Variants in VRK3 observed in about 807,000 individuals in gnomAD.
VRK3 encodes the protein serine/threonine-protein kinase VRK3.
Under a neutral mutation model 60.4 loss-of-function variants are expected in VRK3, and 50 were observed. The observed-to-expected ratio is 0.83, with a 90% CI of 0.66 to 1.05. The LOEUF (loss-of-function observed/expected upper bound fraction) is 1.05. Among genes scored for constraint, VRK3 ranks in the 50% least tolerant of loss-of-function variants. The probability of loss-of-function intolerance (pLI) is 0.00; values close to 1 mark genes in which losing one functional copy is unlikely to be tolerated. For missense variants in VRK3, 549 were observed against 585.3 expected, an observed-to-expected ratio of 0.94 and a Z score of 0.64; for synonymous variants, 246 against 227.8, an observed-to-expected ratio of 1.08 and a Z score of -0.72.
At chr19:50,000,717 G>A (rs2076789264) in intron 6 of VRK3, 73 bp downstream of exon 6, 11 of 1,519,602 alleles carry the variant, frequency 7.2e-6, no homozygotes, top group Non-Finnish European at 9.9e-6. Context: ...CTGACAGACG[G>A]GCTCAGAAGT....
chr19:50,002,912 G>A (rs550568621), intron 5 of VRK3, among the ~76,000 whole-genome samples: 2 of 152,312 alleles, frequency 1.3e-5, no homozygotes, highest in South Asian at 4.1e-4. Context: ...AGGTCAGCTG[G>A]TCCTGAACTT....
At chr19:49,981,686 G>C (rs182983469) in intron 12 of VRK3, 76 of 996,428 alleles carry the variant, frequency 7.6e-5, no homozygotes, top group East Asian at 1.1e-4. Context: ...TCCCTTTGAT[G>C]ATGAGGAAAG....
chr19:49,979,377 T>A lies in VRK3; in HGVS notation c.1277-135A>T, dbSNP rs1486172764. ...GGTCTCAGCAAAAGTGCCCATTTTCTTGTTGCCTGGCATTGCCAGAGGACT... is the reference window on the plus strand; with the variant it reads ...GGTCTCAGCAAAAGTGCCCATTTTCATGTTGCCTGGCATTGCCAGAGGACT... On this transcript the variant is annotated intron_variant, in intron 13 of 14. Coordinates refer to ENST00000316763, the MANE Select transcript of VRK3 (RefSeq NM_016440.4). 64 of 1,273,450 alleles carry A rather than the reference T, an allele frequency of 5.0e-5. 1 individual carries two copies. The highest frequency in any genetic ancestry group is 2.2e-6 in the Non-Finnish European group (2 of 920,488). 78.9% of individuals were successfully genotyped at this position (1,273,450 alleles called of 1,614,324 possible).
intron 4 of VRK3, 100 bp from the exon 5 acceptor site, chr19:50,007,926 G>C: frequency 6.6e-7 from 1 of 1,513,012 alleles, no homozygotes; most frequent in Non-Finnish European, 8.9e-7. Context: ...TTACAAATTC[G>C]TTCATTCAAC....
chr19:49,979,976 G>C (rs2076396020), intron 13 of VRK3, among the ~76,000 whole-genome samples: 1 of 152,100 alleles, frequency 6.6e-6, no homozygotes, highest in African/African-American at 2.4e-5. Context: ...CTTGAACCCG[G>C]GAGGCAGAGC....
At chr19:49,978,105 C>T (rs567225137) in intron 14 of VRK3, among the ~76,000 whole-genome samples, 37 of 152,272 alleles carry the variant, frequency 2.4e-4, no homozygotes, top group Non-Finnish European at 3.5e-4. Flanking sequence ...CTGCTGACCA[C>T]GGGGCCGGGG....
At chr19:50,006,491 T>A (rs888348452) in intron 5 of VRK3, among the ~76,000 whole-genome samples, 41 of 151,722 alleles carry the variant, frequency 2.7e-4, no homozygotes, top group African/African-American at 9.6e-4. Context: ...TTCTCCTGCC[T>A]CAGCCTCCCA....
In VRK3 at chr19:49,995,241, C is replaced by A. The variant is rs745731984; in HGVS notation, c.714G>T (p.Leu238=). The A allele has an allele frequency of 1.9e-6, 3 of 1,614,194 alleles. No individual in the cohort carries two copies. The highest frequency in any genetic ancestry group is 1.6e-4 in the Middle Eastern group (1 of 6,062). Residue 238 remains leucine (L), a synonymous_variant, in exon 8 of 15, where the codon CTG becomes CTT. Coordinates refer to ENST00000316763, the MANE Select transcript of VRK3 (RefSeq NM_016440.4). The stretch of plus-strand genomic sequence containing the variant: ...AACCCATGCAGGTAGGGATGGCCAG[C>A]AGTGGGGTCGAGTACAGCTTCTTCC... ...NKWKKLYSTP[L]LAIPTCMGFG...
chr19:50,013,344 G>C (rs900265052), intron 3 of VRK3, among the ~76,000 whole-genome samples: 8 of 152,170 alleles, frequency 5.3e-5, no homozygotes, highest in Non-Finnish European at 1.2e-4. Context: ...AGGAGCCTGG[G>C]TCCCTTAGGG....
At chr19:50,020,466 G>C (rs2077154447) in intron 2 of VRK3, 119 bp downstream of exon 2, 1 of 152,214 alleles carries the variant, frequency 6.6e-6, no homozygotes, top group African/African-American at 2.4e-5. Context: ...CCATACCTAT[G>C]ACAACGTTCC....
intron 1 of VRK3, among the ~76,000 whole-genome samples, chr19:50,024,161 C>T (rs950248346): frequency 6.6e-6 from 1 of 152,186 alleles, no homozygotes; most frequent in African/African-American, 2.4e-5. Flanking sequence ...TGGTCTCGAA[C>T]TCCTGAACCC....
chr19:50,025,299 G>C lies in VRK3; in HGVS notation c.-97C>G, dbSNP rs371773409. ...CTTGGGGACTGGGGTGGGATTCTGG[G>C]CTTCTGCAGCCTGACCCTCGGATCC... On this transcript the variant is annotated 5_prime_UTR_variant, in exon 1 of 15. Transcript: ENST00000316763. 1 of 152,426 alleles carries C rather than the reference G, an allele frequency of 6.6e-6. No homozygotes were observed. Among genetic ancestry groups the C allele is most frequent in the East Asian group, 1.9e-4 (1 of 5,172 alleles). 9.4% of individuals were successfully genotyped at this position (152,426 alleles called of 1,614,324 possible).
chr19:49,993,605 G>A (rs955781567), intron 9 of VRK3, among the ~76,000 whole-genome samples: 2 of 152,208 alleles, frequency 1.3e-5, no homozygotes, highest in Middle Eastern at 3.4e-3. Flanking sequence ...TTGCCATGTT[G>A]CCCAGGCTGG....
intron 12 of VRK3, among the ~76,000 whole-genome samples, chr19:49,982,776 T>C (rs897616165): frequency 3.9e-5 from 6 of 152,166 alleles, no homozygotes; most frequent in African/African-American, 7.2e-5. Flanking sequence ...CATATATGTA[T>C]AACACAAACA....
chr19:50,000,694 C>G, intron 6 of VRK3, 96 bp downstream of exon 6: 1 of 1,443,636 alleles, frequency 6.9e-7, no homozygotes, highest in Non-Finnish European at 9.5e-7. Flanking sequence ...GGCCCCCGGC[C>G]GAGCTCTCCC....
chr19:50,011,758 C>T (rs539243786), intron 3 of VRK3, among the ~76,000 whole-genome samples: 20 of 147,832 alleles, frequency 1.4e-4, no homozygotes, highest in Non-Finnish European at 2.2e-4. Context: ...AACTCCCTCC[C>T]GTGGTCCTGC....
chr19:49,995,812 G>C (rs912409083), intron 7 of VRK3, among the ~76,000 whole-genome samples: 6 of 152,118 alleles, frequency 3.9e-5, no homozygotes, highest in South Asian at 2.1e-4. Context: ...ACAATGGCGC[G>C]ATCTTGGCTC....
intron 10 of VRK3, 42 bp from the exon 11 acceptor site, chr19:49,989,813 G>A (rs1445211724): frequency 6.5e-7 from 1 of 1,539,692 alleles, no homozygotes; most frequent in Non-Finnish European, 8.8e-7. Context: ...GAGGTTAGGA[G>A]CGTAGAAGTC....
Position 49,987,977 on chromosome 19 carries a change from C to A in VRK3, c.1217+395G>T, listed in dbSNP as rs555005972. 3 of 162,196 alleles carry A rather than the reference C, an allele frequency of 1.8e-5. No individual in the cohort carries two copies. The East Asian group carries it at 5.2e-4, about 28-fold the overall frequency. 10.0% of individuals were successfully genotyped at this position (162,196 alleles called of 1,614,324 possible). A position where few individuals can be genotyped will look rare whatever the true frequency, so the allele number is the denominator to read the frequency against. On this transcript the variant is annotated intron_variant, in intron 12 of 14. Transcript: ENST00000316763. ...TCTGCCTCCCAAAGTGCTGGGATTA[C>A]AGGCGTGAGCCACCGCGCCCGGCCA...
Sources: allele counts gnomAD v4.1 joint callset (sites outside exome capture counted in the v4.1 genomes callset), GRCh38; gene constraint gnomAD v4.1.1; transcripts MANE v1.5; gene names NCBI Gene and HGNC (gene_info 2026-07-23, HGNC 2026-07-21).